The following DMD variants were observed in gnomAD, a reference collection of about 807,000 sequenced individuals.
DMD encodes mutant dystrophin.
A neutral mutation model predicts 330.1 loss-of-function variants in DMD; 63 were observed. That is an observed-to-expected ratio of 0.19 (90% confidence interval 0.16 to 0.24). The LOEUF (loss-of-function observed/expected upper bound fraction) is 0.24. Among genes scored for constraint, DMD ranks in the 10% least tolerant of loss-of-function variants. The pLI, the probability that DMD is intolerant of heterozygous loss-of-function variation, is 1.00. For missense variants in DMD, 3,344 were observed against 2,684.1 expected, an observed-to-expected ratio of 1.25 and a Z score of -5.43; for synonymous variants, 1,223 against 959.8, an observed-to-expected ratio of 1.27 and a Z score of -5.07.
chrX:31,715,537 C>T (rs1386201708), intron 52 of DMD, among the ~76,000 whole-genome samples: 4 of 77,280 alleles, frequency 5.2e-5, no homozygotes, highest in African/African-American at 2.0e-4. Flanking sequence ...AGCGAAACTC[C>T]GTCTCAAAAA....
chrX:33,164,339 C>A (rs1217080453), intron 1 of DMD, among the ~76,000 whole-genome samples: 1 of 112,180 alleles, frequency 8.9e-6, no homozygotes, highest in African/African-American at 3.2e-5. Flanking sequence ...TCATTGGAAG[C>A]TTTATAATTT....
intron 65 of DMD, among the ~76,000 whole-genome samples, chrX:31,207,149 C>T (rs2044159350): frequency 9.0e-6 from 1 of 111,378 alleles, no homozygotes; most frequent in South Asian, 3.8e-4. Flanking sequence ...CATCAGATTG[C>T]CCCTTATTGA....
At chrX:33,062,882 C>G (rs1009181844) in intron 1 of DMD, among the ~76,000 whole-genome samples, 3 of 112,264 alleles carry the variant, frequency 2.7e-5, no homozygotes, top group Non-Finnish European at 5.6e-5. Flanking sequence ...TTGCAATCAT[C>G]AATAAACATA....
intron 50 of DMD, among the ~76,000 whole-genome samples, chrX:31,785,042 T>C (rs2091222947): frequency 8.9e-6 from 1 of 111,732 alleles, no homozygotes; most frequent in Non-Finnish European, 1.9e-5. Context: ...AAAATGTCCA[T>C]TGATTGATAA....
At chrX:32,975,036 T>C (rs2092498606) in intron 2 of DMD, among the ~76,000 whole-genome samples, 1 of 111,962 alleles carries the variant, frequency 8.9e-6, no homozygotes, top group Admixed American at 9.5e-5. Flanking sequence ...ATCTATAACA[T>C]CCTTGAAACT....
rs149301553 is a variant in DMD at position 31,160,452 on chromosome X, G to A, written c.10553+8991C>T. Reference sequence around the variant, plus strand: ...CTTCTGATGTTCCCAGAGACACAACGGATAGGCTTCTCAACAACTACAGTA... The same window carrying A: ...CTTCTGATGTTCCCAGAGACACAACAGATAGGCTTCTCAACAACTACAGTA... On this transcript the variant is annotated intron_variant, in intron 74 of 78. Coordinates refer to ENST00000357033, the MANE Select transcript of DMD (RefSeq NM_004006.3). Among the ~76,000 whole-genome samples the A allele has an allele frequency of 4.7e-3, 528 of 111,247 alleles. 5 individuals carry two copies. The highest frequency in any genetic ancestry group is 0.015 in the African/African-American group (448 of 30,646).
intron 13 of DMD, among the ~76,000 whole-genome samples, chrX:32,585,280 A>C (rs1475705688): frequency 8.9e-6 from 1 of 112,356 alleles, no homozygotes; most frequent in African/African-American, 3.2e-5. Context: ...GAGTAGGAAG[A>C]CTATATAATT....
At chrX:31,814,203 C>G (rs764733728) in intron 50 of DMD, among the ~76,000 whole-genome samples, 1 of 110,039 alleles carries the variant, frequency 9.1e-6, no homozygotes, top group African/African-American at 3.3e-5. Flanking sequence ...AACTCTGGGC[C>G]GGGCGCGGTG....
chrX:31,146,472 A>G, intron 75 of DMD, 58 bp from the exon 76 acceptor site: 2 of 1,117,718 alleles, frequency 1.8e-6, no homozygotes, highest in South Asian at 3.8e-5. Context: ...AAATGTATAA[A>G]TTTCAAAATA....
intron 62 of DMD, among the ~76,000 whole-genome samples, chrX:31,293,427 G>T (rs1336879438): frequency 9.0e-6 from 1 of 111,009 alleles, no homozygotes. Context: ...AAACGCCCTC[G>T]AAAACAATGC....
chrX:31,205,424 TA>T (rs1045686725), intron 66 of DMD, among the ~76,000 whole-genome samples: 1 of 112,161 alleles, frequency 8.9e-6, no homozygotes, highest in African/African-American at 3.2e-5. Flanking sequence ...TTCACCAACC[TA>T]AAAACATGTT....
intron 17 of DMD, among the ~76,000 whole-genome samples, chrX:32,519,695 C>T: frequency 8.9e-6 from 1 of 111,823 alleles, no homozygotes; most frequent in Non-Finnish European, 1.9e-5. Context: ...TATCATTAAA[C>T]CAGTTATATC....
chrX:31,393,640 G>T (rs915507873), intron 60 of DMD, among the ~76,000 whole-genome samples: 3 of 111,022 alleles, frequency 2.7e-5, no homozygotes, highest in Non-Finnish European at 5.7e-5. Flanking sequence ...TACACCAGGT[G>T]CTCCACTTTG....
chrX:31,221,463 T>TAG (rs941201574), intron 64 of DMD, among the ~76,000 whole-genome samples: 8 of 112,330 alleles, frequency 7.1e-5, no homozygotes, highest in African/African-American at 2.3e-4. Context: ...ACGCTCTTCC[T>TAG]AGAGAGAGAG....
At chrX:32,132,993 CT>C (rs377615262) in intron 44 of DMD, among the ~76,000 whole-genome samples, 33,991 of 76,190 alleles carry the variant, frequency 0.45, 5,497 homozygotes, top group Admixed American at 0.53. Context: ...CTTTTCTTTT[CT>C]TTTTTTTTTT....
At chrX:32,665,301 T>C (rs1042214738) in intron 9 of DMD, among the ~76,000 whole-genome samples, 2 of 111,204 alleles carry the variant, frequency 1.8e-5, no homozygotes, top group African/African-American at 3.3e-5. Context: ...ATATCTAGAC[T>C]CAAATTCTTT....
At chrX:32,081,318 C>A (rs776936139) in intron 44 of DMD, among the ~76,000 whole-genome samples, 2 of 112,091 alleles carry the variant, frequency 1.8e-5, no homozygotes, top group Non-Finnish European at 1.9e-5. Flanking sequence ...TGGTATCATA[C>A]TGTGGGACAA....
At chrX:33,210,534 C>T (rs1290017005) in intron 1 of DMD, among the ~76,000 whole-genome samples, 1 of 111,037 alleles carries the variant, frequency 9.0e-6, no homozygotes, top group East Asian at 2.8e-4. Context: ...AAAGCTGGCT[C>T]ATAATAGACA....
intron 11 of DMD, among the ~76,000 whole-genome samples, chrX:32,636,880 C>A (rs939324597): frequency 4.5e-5 from 5 of 109,981 alleles, no homozygotes; most frequent in Non-Finnish European, 5.7e-5. Flanking sequence ...CACCTGTAGT[C>A]CCAACTACTG....
Sources: gnomAD v4.1 joint callset for allele counts (sites outside exome capture counted in the v4.1 genomes callset) on GRCh38, gnomAD v4.1.1 for gene constraint, MANE v1.5 for transcripts, NCBI Gene and HGNC (gene_info 2026-07-23, HGNC 2026-07-21) for gene names.